ATXN10: variants seen among roughly 807,000 people sequenced by gnomAD.
ATXN10 encodes ataxin-10.
In ATXN10, 28 loss-of-function variants were observed where a neutral mutation model predicts 52.9. The ratio of observed to expected loss-of-function variants is 0.53; its 90% CI spans 0.39 to 0.73. The LOEUF (loss-of-function observed/expected upper bound fraction) is 0.73, where lower values mean the gene tolerates loss of function less well. Among genes scored for constraint, ATXN10 ranks in the 30% least tolerant of loss-of-function variants. ATXN10 has a pLI of 0.00. For missense variants in ATXN10, 565 were observed against 577.0 expected, an observed-to-expected ratio of 0.98 and a Z score of 0.21; for synonymous variants, 226 against 221.5, an observed-to-expected ratio of 1.02 and a Z score of -0.18.
intron 10 of ATXN10, among the ~76,000 whole-genome samples, chr22:45,829,171 A>G (rs1014884026): frequency 5.9e-5 from 9 of 152,234 alleles, no homozygotes; most frequent in African/African-American, 1.9e-4. Flanking sequence ...AAAATTCAAC[A>G]TCTCTTCATG....
chr22:45,787,437 G>A lies in ATXN10; in HGVS notation c.1174-19522G>A, dbSNP rs1392385303. On this transcript the variant is annotated intron_variant, in intron 9 of 11. Coordinates refer to ENST00000252934, the MANE Select transcript of ATXN10 (RefSeq NM_013236.4). This position sits in a 1 kb window ranked among gnomAD's most constrained non-coding sequence, Gnocchi z 4.2. ...CCCTCAAGGCACTAGGGAGACAGGA[G>A]GGCCCAGGAAATGCCGAGTGCCCTG... 3.3e-5 allele frequency among the ~76,000 whole-genome samples: 5 copies of A among 152,188 alleles called. No homozygotes were observed. The highest frequency in any genetic ancestry group is 1.2e-4 in the African/African-American group (5 of 41,446).
intron 9 of ATXN10, among the ~76,000 whole-genome samples, chr22:45,779,789 A>G (rs1014790997): frequency 7.2e-5 from 11 of 152,228 alleles, no homozygotes; most frequent in African/African-American, 1.2e-4. Flanking sequence ...CAGAGATGAA[A>G]TAGAATTCGT....
In ATXN10 at chr22:45,769,040, AC is replaced by A. The variant is rs1926684074; in HGVS notation, c.1173+28503del. ...AAAGTGTGGGAAGAAGACAGATGAA[AC>A]AAGTTGACAACATGGTGGTTTCTGA... On this transcript the variant is annotated intron_variant, in intron 9 of 11. Coordinates refer to ENST00000252934, the MANE Select transcript of ATXN10 (RefSeq NM_013236.4). The surrounding 1 kb of genome is among the most constrained non-coding windows in gnomAD (Gnocchi z 4.2). Among the ~76,000 whole-genome samples, 1 of 151,988 alleles carries A rather than the reference AC, an allele frequency of 6.6e-6. No homozygotes were observed. Among genetic ancestry groups the A allele is most frequent in the Admixed American group, 6.5e-5 (1 of 15,272 alleles).
rs1210897237 is a variant in ATXN10 at position 45,740,472 on chromosome 22, G to A, written c.1107G>A (p.Gly369=). The A allele has an allele frequency of 6.2e-6, 10 of 1,613,758 alleles. No homozygotes were observed. Among genetic ancestry groups the A allele is most frequent in the African/African-American group, 2.7e-5 (2 of 74,842 alleles). ...GTGACATCTCCAATGTGGCCAATGGGTTTAAGTCTCATCTCATTCGTCTGA... is the reference window on the plus strand; with the variant it reads ...GTGACATCTCCAATGTGGCCAATGGATTTAAGTCTCATCTCATTCGTCTGA... The part of the protein sequence containing the change: ...AEGDISNVAN[G]FKSHLIRLIG... The change falls in exon 9 of 12, where the codon GGG becomes GGA. Residue 369 remains glycine, a synonymous_variant. Coordinates refer to ENST00000252934, the MANE Select transcript of ATXN10 (RefSeq NM_013236.4).
chr22:45,687,371 T>G (rs968679985), intron 1 of ATXN10, among the ~76,000 whole-genome samples: 6 of 152,332 alleles, frequency 3.9e-5, no homozygotes, highest in Non-Finnish European at 7.3e-5. Flanking sequence ...AAACAGATGT[T>G]ACGATTGCAA....
At chr22:45,800,340 C>T (rs1351456770) in intron 9 of ATXN10, among the ~76,000 whole-genome samples, 3 of 152,150 alleles carry the variant, frequency 2.0e-5, no homozygotes, top group African/African-American at 4.8e-5. Context: ...ATTTCACTAA[C>T]GAAACAGAAA....
At chr22:45,748,074 G>A (rs1360885517) in intron 9 of ATXN10, among the ~76,000 whole-genome samples, 1 of 152,084 alleles carries the variant, frequency 6.6e-6, no homozygotes, top group Non-Finnish European at 1.5e-5. Flanking sequence ...AGGTGCTTGG[G>A]GGGCTGAGGT....
chr22:45,774,065 A>G lies in ATXN10; in HGVS notation c.1174-32894A>G, dbSNP rs982390691. Among the ~76,000 whole-genome samples, 2 of 152,238 alleles carry G rather than the reference A, an allele frequency of 1.3e-5. No individual in the cohort carries two copies. The highest frequency in any genetic ancestry group is 6.5e-5 in the Admixed American group (1 of 15,288). On this transcript the variant is annotated intron_variant, in intron 9 of 11. Coordinates refer to ENST00000252934, the MANE Select transcript of ATXN10 (RefSeq NM_013236.4). This position sits in a 1 kb window ranked among gnomAD's most constrained non-coding sequence, Gnocchi z 6.2. ...GCCCCTCTTCAGGTCTTGCAGACAGAAAGAACCATTTGATGCCATGTGCTT... is the reference window on the plus strand; with the variant it reads ...GCCCCTCTTCAGGTCTTGCAGACAGGAAGAACCATTTGATGCCATGTGCTT...
At chr22:45,736,038 G>A (rs1394768690) in intron 7 of ATXN10, among the ~76,000 whole-genome samples, 1 of 152,036 alleles carries the variant, frequency 6.6e-6, no homozygotes, top group African/African-American at 2.4e-5. Context: ...GGTGGGGATA[G>A]ATTAATTTTC....
chr22:45,753,918 C>A (rs1032035622), intron 9 of ATXN10, among the ~76,000 whole-genome samples: 5 of 152,176 alleles, frequency 3.3e-5, no homozygotes, highest in African/African-American at 1.2e-4. Context: ...GTTTTTCATT[C>A]TTTGTCTCTG....
chr22:45,807,058 C>T (rs763121266), intron 10 of ATXN10, 36 bp downstream of exon 10: 32 of 1,573,722 alleles, frequency 2.0e-5, no homozygotes, highest in Non-Finnish European at 2.4e-5. Flanking sequence ...CACAAGTTTA[C>T]AGCCGGGGCC....
intron 10 of ATXN10, among the ~76,000 whole-genome samples, chr22:45,839,228 C>T (rs1397937606): frequency 4.6e-5 from 7 of 152,252 alleles, no homozygotes; most frequent in African/African-American, 1.4e-4. Flanking sequence ...CAGCCTTCCA[C>T]ACTTCCTTGA....
rs1328193002 is a variant in ATXN10 at position 45,820,250 on chromosome 22, G to T, written c.1237+13228G>T. Among the ~76,000 whole-genome samples the T allele has an allele frequency of 6.6e-6, 1 of 152,170 alleles. No individual in the cohort carries two copies. Among genetic ancestry groups the T allele is most frequent in the Admixed American group, 6.5e-5 (1 of 15,284 alleles). On this transcript the variant is annotated intron_variant, in intron 10 of 11. Transcript: ENST00000252934. The surrounding 1 kb of genome is among the most constrained non-coding windows in gnomAD (Gnocchi z 4.9). ...ATTTCCTTATCCAGGAAATGAAAAG[G>T]CCGTGTGCTACGGTGGGACCACCAA... is the stretch of plus-strand genomic sequence containing the variant.
At position 45,789,469 on chromosome 22, in the gene ATXN10, T is replaced by G. The variant is rs1185373353; in HGVS notation, c.1174-17490T>G. ...TGTCATTGAAAGCCCCAGAGTCTAA[T>G]GAAAGAGTGAGACAAGCAAACAAAT... On this transcript the variant is annotated intron_variant, in intron 9 of 11. Transcript: ENST00000252934. The surrounding 1 kb of genome is among the most constrained non-coding windows in gnomAD (Gnocchi z 4.0). 1.3e-5 allele frequency among the ~76,000 whole-genome samples: 2 copies of G among 152,178 alleles called. No individual in the cohort carries two copies. Among genetic ancestry groups the G allele is most frequent in the Non-Finnish European group, 2.9e-5 (2 of 68,038 alleles).
intron 5 of ATXN10, among the ~76,000 whole-genome samples, chr22:45,713,859 G>A (rs903234784): frequency 6.6e-6 from 1 of 152,016 alleles, no homozygotes; most frequent in African/African-American, 2.4e-5. Flanking sequence ...TTCATTGTAT[G>A]AATATACCAG....
chr22:45,822,561 T>C (rs9614789), intron 10 of ATXN10, among the ~76,000 whole-genome samples: 56,815 of 139,846 alleles, frequency 0.41, 11,979 homozygotes, highest in East Asian at 0.57. Context: ...GATGGAGTCT[T>C]GCTCTGTCAC....
intron 10 of ATXN10, among the ~76,000 whole-genome samples, chr22:45,815,589 C>G (rs766528866): frequency 6.6e-6 from 1 of 151,992 alleles, no homozygotes; most frequent in Non-Finnish European, 1.5e-5. Context: ...CCCTCCCTCC[C>G]TCCCTCCTTC....
intron 9 of ATXN10, among the ~76,000 whole-genome samples, chr22:45,773,025 T>C (rs905511671): frequency 6.6e-6 from 1 of 152,242 alleles, no homozygotes; most frequent in African/African-American, 2.4e-5. Flanking sequence ...ATATTTTTGA[T>C]CTGCAGTTGA....
rs986312451 is a variant in ATXN10, at chr22:45,795,152, AAGAG to A, written c.1174-11801_1174-11798del. Among the ~76,000 whole-genome samples the A allele has an allele frequency of 3.9e-5, 6 of 152,194 alleles. No individual in the cohort carries two copies. Among genetic ancestry groups the A allele is most frequent in the African/African-American group, 7.2e-5 (3 of 41,446 alleles). On this transcript the variant is annotated intron_variant, in intron 9 of 11. Coordinates refer to ENST00000252934, the MANE Select transcript of ATXN10 (RefSeq NM_013236.4). The surrounding 1 kb of genome is among the most constrained non-coding windows in gnomAD (Gnocchi z 4.6). ...ACTCCAGTGCAACCACTTTTAGAAAAAGAGAGAGACAGTTAACAAGCCAGTATTG... is the reference window on the plus strand; with the variant it reads ...ACTCCAGTGCAACCACTTTTAGAAAAAGAGACAGTTAACAAGCCAGTATTG...
Sources: gnomAD v4.1 joint callset for allele counts (sites outside exome capture counted in the v4.1 genomes callset) on GRCh38, gnomAD v4.1.1 for gene constraint, Gnocchi (gnomAD v3.1) non-coding constraint, MANE v1.5 for transcripts, NCBI Gene and HGNC (gene_info 2026-07-23, HGNC 2026-07-21) for gene names.